The following CREBRF variants were observed in gnomAD, a reference collection of about 807,000 sequenced individuals.
CREBRF encodes the protein CREB3 regulatory factor.
CREBRF carries 5 observed loss-of-function variants against 66.1 expected under a neutral mutation model. The ratio of observed to expected loss-of-function variants is 0.08; its 90% CI spans 0.04 to 0.16. The LOEUF is 0.16. CREBRF is among the 10% of genes least tolerant of loss of function. The pLI, the probability that CREBRF is intolerant of heterozygous loss-of-function variation, is 1.00. For synonymous variants in CREBRF, 229 were observed against 264.4 expected, an observed-to-expected ratio of 0.87 and a Z score of 1.30; for missense variants, 531 against 744.9, an observed-to-expected ratio of 0.71 and a Z score of 3.34.
chr5:173,101,956 G>A (rs1376837618), intron 4 of CREBRF, among the ~76,000 whole-genome samples: 1 of 152,074 alleles, frequency 6.6e-6, no homozygotes, highest in Non-Finnish European at 1.5e-5. Flanking sequence ...TATAAATCCT[G>A]TAGGCTTTCT....
At chr5:173,094,055 A>G (rs990913227) in intron 4 of CREBRF, among the ~76,000 whole-genome samples, 1 of 152,204 alleles carries the variant, frequency 6.6e-6, no homozygotes, top group African/African-American at 2.4e-5. Context: ...TATTTAACTT[A>G]GCATGATGTC....
intron 1 of CREBRF, among the ~76,000 whole-genome samples, chr5:173,068,469 GC>G (rs1757499624): frequency 6.6e-6 from 1 of 152,178 alleles, no homozygotes; most frequent in Non-Finnish European, 1.5e-5. Flanking sequence ...ATTTGGTGAA[GC>G]CAGTATAATG....
intron 1 of CREBRF, among the ~76,000 whole-genome samples, chr5:173,064,214 G>C (rs77795984): frequency 0.015 from 2,216 of 152,134 alleles, 31 homozygotes; most frequent in Middle Eastern, 0.041. Flanking sequence ...TTCTATTATA[G>C]GTTAGTCATT....
At chr5:173,131,193 G>A (rs3131913) in intron 8 of CREBRF, among the ~76,000 whole-genome samples, 73,848 of 151,938 alleles carry the variant, frequency 0.49, 19,090 homozygotes, top group Non-Finnish European at 0.58. Flanking sequence ...ATCTACATGT[G>A]TATTTTGGAC....
At chr5:173,089,192 A>C (rs1581679120) in intron 3 of CREBRF, among the ~76,000 whole-genome samples, 1 of 136,288 alleles carries the variant, frequency 7.3e-6, no homozygotes, top group Admixed American at 7.4e-5. Context: ...AAAAAAAAAC[A>C]AAAAAAAAAA....
intron 1 of CREBRF, among the ~76,000 whole-genome samples, chr5:173,061,369 TGAA>T (rs1260134196): frequency 2.0e-5 from 3 of 152,256 alleles, no homozygotes; most frequent in Non-Finnish European, 2.9e-5. Flanking sequence ...TCTCCTGCCT[TGAA>T]GAGAATTTTT....
chr5:173,057,900 A>G (rs1013660203), intron 1 of CREBRF, among the ~76,000 whole-genome samples: 3 of 150,958 alleles, frequency 2.0e-5, no homozygotes, highest in Non-Finnish European at 4.4e-5. Flanking sequence ...CCCTCTTGCT[A>G]ACATAAGTTG....
Position 173,133,630 on chromosome 5 carries a change from G to A in CREBRF, c.1805G>A (p.Gly602Asp), listed in dbSNP as rs751817123. 7 of 1,582,352 alleles carry A rather than the reference G, an allele frequency of 4.4e-6. No individual in the cohort carries two copies. The East Asian group carries it at 1.6e-4, about 36-fold the overall frequency. ...KLEILIKDTLGLPVAGQTSEF... is the reference protein window; with the variant it reads ...KLEILIKDTLDLPVAGQTSEF... ...ATGTGCCTTTTATTCTTCTCTTCAG[G>A]TCTACCAGTTGCTGGGCAAACCTCA... is the stretch of plus-strand genomic sequence containing the variant. Residue 602 changes from glycine (G) to aspartate (D), a missense_variant and splice_region_variant, in exon 9 of 9, where the codon GGT becomes GAT. Physicochemically the swap from Gly to Asp is moderately conservative, Grantham distance 94. This residue lies in a region of CREBRF where 64 missense variants were observed against 111.3 expected (regional missense o/e 0.58). Transcript: ENST00000296953.
intron 4 of CREBRF, among the ~76,000 whole-genome samples, chr5:173,098,969 A>G (rs1758546696): frequency 1.3e-5 from 2 of 150,450 alleles, no homozygotes; most frequent in Admixed American, 6.6e-5. Context: ...AGTGTCAACT[A>G]CTTGGGCTCC....
chr5:173,117,865 C>A (rs963264856), intron 7 of CREBRF, among the ~76,000 whole-genome samples: 1 of 142,240 alleles, frequency 7.0e-6, no homozygotes, highest in Non-Finnish European at 1.5e-5. Flanking sequence ...TGTGCACCAC[C>A]ACACCTGACT....
intron 1 of CREBRF, among the ~76,000 whole-genome samples, chr5:173,060,023 G>A (rs1197904109): frequency 6.6e-6 from 1 of 152,076 alleles, no homozygotes; most frequent in African/African-American, 2.4e-5. Context: ...GGATACTAGT[G>A]TAAGAAGTAA....
chr5:173,128,032 A>T (rs1488417358), intron 8 of CREBRF, among the ~76,000 whole-genome samples: 1 of 152,032 alleles, frequency 6.6e-6, no homozygotes, highest in Non-Finnish European at 1.5e-5. Context: ...TAACTTACCA[A>T]TTCTAATTTC....
chr5:173,064,642 G>A (rs1757379634), intron 1 of CREBRF, among the ~76,000 whole-genome samples: 1 of 145,852 alleles, frequency 6.9e-6, no homozygotes, highest in Non-Finnish European at 1.5e-5. Flanking sequence ...TCGGCTTACT[G>A]CAACCTCCAC....
Position 173,059,952 on chromosome 5 carries a change from A to G in CREBRF, c.-192+3473A>G, listed in dbSNP as rs1315977856. Among the ~76,000 whole-genome samples, 3 of 152,278 alleles carry G rather than the reference A, an allele frequency of 2.0e-5. No individual in the cohort carries two copies. The East Asian group carries it at 5.8e-4, about 29-fold the overall frequency. ...GTGAAAGCAAGCTTTTATATAGACAATGTTCTACTTAGTTTACAGGGTGTC... is the reference window on the plus strand; with the variant it reads ...GTGAAAGCAAGCTTTTATATAGACAGTGTTCTACTTAGTTTACAGGGTGTC... On this transcript the variant is annotated intron_variant, in intron 1 of 8. Coordinates refer to ENST00000296953, the MANE Select transcript of CREBRF (RefSeq NM_153607.3).
chr5:173,071,169 G>C (rs1757589136), intron 1 of CREBRF, among the ~76,000 whole-genome samples: 1 of 144,404 alleles, frequency 6.9e-6, no homozygotes, highest in African/African-American at 2.5e-5. Flanking sequence ...CTTAAGAGTA[G>C]TGGAAGACAG....
At chr5:173,115,085 T>TTTTTTC (rs1296698517) in intron 7 of CREBRF, among the ~76,000 whole-genome samples, 3 of 151,976 alleles carry the variant, frequency 2.0e-5, no homozygotes, top group African/African-American at 7.2e-5. Context: ...TTTTATAGTG[T>TTTTTTC]TTTTTCTTTT....
chr5:173,080,286 A>G (rs1482934569), intron 1 of CREBRF, among the ~76,000 whole-genome samples: 1 of 151,696 alleles, frequency 6.6e-6, no homozygotes, highest in African/African-American at 2.4e-5. Context: ...AAATCAATAT[A>G]TTACATCTTT....
intron 8 of CREBRF, among the ~76,000 whole-genome samples, chr5:173,133,099 C>G (rs1358944634): frequency 6.6e-6 from 1 of 152,214 alleles, no homozygotes; most frequent in Non-Finnish European, 1.5e-5. Context: ...CTTTCTCCCT[C>G]TTCTCTTCCA....
At chr5:173,132,351 C>T (rs1280711556) in intron 8 of CREBRF, among the ~76,000 whole-genome samples, 3 of 148,900 alleles carry the variant, frequency 2.0e-5, no homozygotes, top group South Asian at 4.3e-4. Context: ...CCTCCCAAAG[C>T]GTTGGTATTA....
Sources: allele counts gnomAD v4.1 joint callset (sites outside exome capture counted in the v4.1 genomes callset), GRCh38; gene constraint gnomAD v4.1.1; regional missense constraint gnomAD v4.1.1; transcripts MANE v1.5; gene names NCBI Gene and HGNC (gene_info 2026-07-23, HGNC 2026-07-21).